Variants in CD2AP observed in about 807,000 individuals in gnomAD.
The protein encoded by CD2AP is CD2 associated protein.
In CD2AP, 46 loss-of-function variants were observed where a neutral mutation model predicts 85.1. That is an observed-to-expected ratio of 0.54 (90% confidence interval 0.43 to 0.69). The LOEUF (loss-of-function observed/expected upper bound fraction) is 0.69. Ranked by LOEUF, CD2AP falls within the 30% of genes least tolerant of loss-of-function variation. CD2AP has a pLI of 0.00. For synonymous variants in CD2AP, 255 were observed against 252.9 expected, an observed-to-expected ratio of 1.01 and a Z score of -0.08; for missense variants, 769 against 729.5, an observed-to-expected ratio of 1.05 and a Z score of -0.62.
intron 3 of CD2AP, among the ~76,000 whole-genome samples, chr6:47,539,376 A>C (rs1013151877): frequency 2.0e-5 from 3 of 152,182 alleles, no homozygotes; most frequent in African/African-American, 7.2e-5. Flanking sequence ...GCACATGGAG[A>C]TTGGGAGAAT....
intron 5 of CD2AP, among the ~76,000 whole-genome samples, chr6:47,570,394 A>G (rs12200492): frequency 0.31 from 47,484 of 152,022 alleles, 8,549 homozygotes; most frequent in Middle Eastern, 0.51. Context: ...AAGCATAGCA[A>G]TTCAAGGACA....
chr6:47,533,200 A>G (rs911863365), intron 2 of CD2AP, among the ~76,000 whole-genome samples: 2 of 152,244 alleles, frequency 1.3e-5, no homozygotes, highest in African/African-American at 2.4e-5. Context: ...TATACCACAC[A>G]TAGGAGTGTT....
intron 2 of CD2AP, among the ~76,000 whole-genome samples, chr6:47,519,510 C>T (rs963458319): frequency 9.2e-5 from 14 of 152,316 alleles, no homozygotes; most frequent in African/African-American, 3.1e-4. Context: ...ACTATATCCA[C>T]ACAAGTACCT....
chr6:47,526,353 A>G (rs1766728095), intron 2 of CD2AP, among the ~76,000 whole-genome samples: 1 of 152,160 alleles, frequency 6.6e-6, no homozygotes, highest in Non-Finnish European at 1.5e-5. Context: ...AATTTTGCCT[A>G]GAGCCTTGAG....
At chr6:47,538,537 C>T (rs570338998) in intron 3 of CD2AP, among the ~76,000 whole-genome samples, 15 of 152,250 alleles carry the variant, frequency 9.9e-5, no homozygotes, top group Non-Finnish European at 1.6e-4. Context: ...TAAGCCACTG[C>T]GCCTGGTGGA....
chr6:47,563,307 T>C (rs893923468), intron 5 of CD2AP, among the ~76,000 whole-genome samples: 1 of 152,164 alleles, frequency 6.6e-6, no homozygotes, highest in African/African-American at 2.4e-5. Context: ...ATAGAAAATG[T>C]TGGAGGAAGA....
At chr6:47,620,614 C>T (rs1007417662) in intron 17 of CD2AP, among the ~76,000 whole-genome samples, 4 of 151,938 alleles carry the variant, frequency 2.6e-5, no homozygotes, top group African/African-American at 4.8e-5. Flanking sequence ...TGGGAATTGC[C>T]TTGAATTTGT....
intron 2 of CD2AP, among the ~76,000 whole-genome samples, chr6:47,511,122 AT>A (rs1766304029): frequency 1.1e-3 from 153 of 143,762 alleles, no homozygotes; most frequent in Middle Eastern, 7.2e-3. Context: ...ACAGGGAAAA[AT>A]AGTAGCTTAG....
chr6:47,570,027 C>T (rs1426007068), intron 5 of CD2AP, among the ~76,000 whole-genome samples: 4 of 152,058 alleles, frequency 2.6e-5, no homozygotes, highest in Non-Finnish European at 4.4e-5. Flanking sequence ...TTAAAACACC[C>T]GCACCCACAC....
intron 17 of CD2AP, among the ~76,000 whole-genome samples, chr6:47,620,250 C>T (rs1467698047): frequency 4.6e-5 from 7 of 152,112 alleles, no homozygotes; most frequent in Non-Finnish European, 8.8e-5. Context: ...AGGTGAAAGA[C>T]GAGGATCCAG....
In CD2AP at chr6:47,576,561, G is replaced by A; in HGVS notation, c.767G>A (p.Ser256Asn). 2 of 1,612,910 alleles carry A rather than the reference G, an allele frequency of 1.2e-6. No homozygotes were observed. Among genetic ancestry groups the A allele is most frequent in the Non-Finnish European group, 1.7e-6 (2 of 1,179,240 alleles). The change falls in exon 7 of 18, where the codon AGT becomes AAT. Residue 256 changes from serine to asparagine, a missense_variant. Physicochemically the swap from Ser to Asn is conservative, Grantham distance 46. Coordinates refer to ENST00000359314, the MANE Select transcript of CD2AP (RefSeq NM_012120.3). ...ILQSLGPKTQ[S>N]VEITKTDTEG... ...CAGTCACTGGGACCCAAAACTCAGA[G>A]TGTGGAGATAACAAAAACAGATACC...
rs1768455668 is a variant in CD2AP, at chr6:47,580,754, A to G, written c.1009-110A>G. 2.6e-5 allele frequency: 20 copies of G among 761,936 alleles called. No homozygotes were observed. In the South Asian group the frequency reaches 3.3e-4, roughly 12 times the overall value. The allele number at this position is 761,936 out of a possible 1,614,324, so 47.2% of individuals were successfully genotyped here. ...GCATTTTATATTTTGTCAAGGATTG[A>G]ATGAAGAGGAGAGACATTTGTATAA... On this transcript the variant is annotated intron_variant, in intron 9 of 17. Transcript: ENST00000359314.
intron 13 of CD2AP, among the ~76,000 whole-genome samples, chr6:47,602,731 A>G (rs1769173344): frequency 6.6e-6 from 1 of 150,966 alleles, no homozygotes; most frequent in Non-Finnish European, 1.5e-5. Context: ...CTCTACAGAA[A>G]AAAAAAAAAA....
chr6:47,570,482 G>A (rs1361591478), intron 5 of CD2AP, among the ~76,000 whole-genome samples: 1 of 152,010 alleles, frequency 6.6e-6, no homozygotes, highest in Non-Finnish European at 1.5e-5. Flanking sequence ...TCTCATTATG[G>A]CACCTCCTGC....
chr6:47,504,690 A>G (rs572308950), intron 2 of CD2AP, among the ~76,000 whole-genome samples: 3 of 152,176 alleles, frequency 2.0e-5, no homozygotes, highest in East Asian at 3.9e-4. Flanking sequence ...TACCTTGGAG[A>G]TACTGCAGGT....
intron 2 of CD2AP, among the ~76,000 whole-genome samples, chr6:47,518,585 CAG>C (rs1256781646): frequency 6.6e-6 from 1 of 152,142 alleles, no homozygotes; most frequent in Admixed American, 6.5e-5. Context: ...TTCTGAATAT[CAG>C]GGGTAAAGCT....
chr6:47,534,974 C>T (rs940745137), intron 3 of CD2AP, among the ~76,000 whole-genome samples: 1 of 151,890 alleles, frequency 6.6e-6, no homozygotes, highest in African/African-American at 2.4e-5. Context: ...TTGTATTTTT[C>T]TTTGAAGAGA....
At chr6:47,478,751 A>G (rs939696397) in intron 1 of CD2AP, among the ~76,000 whole-genome samples, 1 of 152,108 alleles carries the variant, frequency 6.6e-6, no homozygotes, top group African/African-American at 2.4e-5. Context: ...TGAAACTCGC[A>G]AGGGGTGCCT....
intron 13 of CD2AP, among the ~76,000 whole-genome samples, chr6:47,603,769 C>G (rs2114142760): frequency 6.6e-6 from 1 of 151,704 alleles, no homozygotes; most frequent in South Asian, 2.1e-4. Context: ...ATTTTGTTTC[C>G]TAGCCTGTTT....
Sources: gnomAD v4.1 joint callset for allele counts (sites outside exome capture counted in the v4.1 genomes callset) on GRCh38, gnomAD v4.1.1 for gene constraint, MANE v1.5 for transcripts, NCBI Gene and HGNC (gene_info 2026-07-23, HGNC 2026-07-21) for gene names.